Variants in LRBA observed in about 807,000 individuals in gnomAD.
LRBA encodes the protein LPS responsive beige-like anchor protein, also known as lipopolysaccharide-responsive and beige-like anchor protein.
Under a neutral mutation model 330.0 loss-of-function variants are expected in LRBA, and 176 were observed. That is an observed-to-expected ratio of 0.53 (90% CI 0.47 to 0.60). The LOEUF (loss-of-function observed/expected upper bound fraction) is 0.60, where lower values mean the gene tolerates loss of function less well. Ranked by LOEUF, LRBA falls within the 20% of genes least tolerant of loss-of-function variation. The pLI, the probability that LRBA is intolerant of heterozygous loss-of-function variation, is 0.00. For synonymous variants in LRBA, 1,230 were observed against 1,193.0 expected, an observed-to-expected ratio of 1.03 and a Z score of -0.64; for missense variants, 3,259 against 3,444.8, an observed-to-expected ratio of 0.95 and a Z score of 1.35.
intron 40 of LRBA, among the ~76,000 whole-genome samples, chr4:150,565,173 C>A (rs1768964516): frequency 6.6e-6 from 1 of 152,026 alleles, no homozygotes; most frequent in African/African-American, 2.4e-5. Context: ...TATTATGCAG[C>A]CACAAAAAAG....
At chr4:150,550,680 G>A (rs1327198389) in intron 40 of LRBA, among the ~76,000 whole-genome samples, 2 of 152,094 alleles carry the variant, frequency 1.3e-5, no homozygotes, top group African/African-American at 4.8e-5. Flanking sequence ...GTTTTAAATG[G>A]TTGTCCCCAA....
At chr4:150,960,036 T>C (rs906579816) in intron 2 of LRBA, among the ~76,000 whole-genome samples, 1 of 148,338 alleles carries the variant, frequency 6.7e-6, no homozygotes, top group Non-Finnish European at 1.5e-5. Context: ...TACCGGTGTG[T>C]ACCACCATGC....
chr4:150,827,594 C>CT (rs1006527210), intron 30 of LRBA, among the ~76,000 whole-genome samples: 38 of 149,684 alleles, frequency 2.5e-4, no homozygotes, highest in Admixed American at 6.7e-4. Flanking sequence ...CTTATGATTT[C>CT]TTTTTTTTTC....
chr4:150,295,116 T>C (rs1418414575), intron 53 of LRBA, among the ~76,000 whole-genome samples: 5 of 151,816 alleles, frequency 3.3e-5, no homozygotes, highest in African/African-American at 1.2e-4. Context: ...CAACTACTAA[T>C]ATTTGGCAGC....
At chr4:150,723,335 G>A (rs1411250401) in intron 36 of LRBA, among the ~76,000 whole-genome samples, 2 of 152,176 alleles carry the variant, frequency 1.3e-5, no homozygotes, top group African/African-American at 4.8e-5. Flanking sequence ...AGAGTAAAGA[G>A]GACTTTGACT....
chr4:150,507,404 A>G (rs1761240687), intron 40 of LRBA, among the ~76,000 whole-genome samples: 1 of 152,058 alleles, frequency 6.6e-6, no homozygotes, highest in African/African-American at 2.4e-5. Flanking sequence ...AACAGAACAG[A>G]GCCCTCAGAA....
intron 40 of LRBA, among the ~76,000 whole-genome samples, chr4:150,509,621 T>C (rs945681221): frequency 1.3e-5 from 2 of 151,666 alleles, no homozygotes; most frequent in Non-Finnish European, 2.9e-5. Flanking sequence ...TTTTGTGTTT[T>C]GTTTTGTTTT....
chr4:150,696,009 C>T (rs555447930), intron 36 of LRBA, among the ~76,000 whole-genome samples: 1 of 152,212 alleles, frequency 6.6e-6, no homozygotes, highest in African/African-American at 2.4e-5. Context: ...CAGCAAATCC[C>T]TTGAGGCCAG....
chr4:150,664,536 T>C (rs1781401823), intron 37 of LRBA, among the ~76,000 whole-genome samples: 1 of 152,168 alleles, frequency 6.6e-6, no homozygotes, highest in Admixed American at 6.5e-5. Context: ...ACAGGATGTG[T>C]TCCCTCAAAG....
At chr4:150,643,170 G>T (rs1778838878) in intron 37 of LRBA, among the ~76,000 whole-genome samples, 1 of 151,806 alleles carries the variant, frequency 6.6e-6, no homozygotes, top group African/African-American at 2.4e-5. Context: ...GAAAAAAATT[G>T]ATCTGTCATG....
intron 17 of LRBA, among the ~76,000 whole-genome samples, chr4:150,873,506 C>T (rs1012329816): frequency 6.6e-6 from 1 of 151,906 alleles, no homozygotes; most frequent in East Asian, 1.9e-4. Context: ...AGGAGAATCG[C>T]TTGAACCTGG....
intron 44 of LRBA, among the ~76,000 whole-genome samples, chr4:150,449,666 A>C (rs1346222248): frequency 6.6e-6 from 1 of 152,140 alleles, no homozygotes; most frequent in East Asian, 1.9e-4. Context: ...TTTGAAGTTT[A>C]TACTGTATTT....
chr4:150,778,410 C>A (rs1380481551), intron 34 of LRBA, among the ~76,000 whole-genome samples: 1 of 151,984 alleles, frequency 6.6e-6, no homozygotes, highest in African/African-American at 2.4e-5. Flanking sequence ...CCATGCAAAT[C>A]AATTATGTAA....
chr4:150,488,889 AT>A (rs1758218103), intron 41 of LRBA, among the ~76,000 whole-genome samples: 1 of 144,452 alleles, frequency 6.9e-6, no homozygotes, highest in South Asian at 2.1e-4. Context: ...GTCATAATAT[AT>A]ACACACACAT....
At position 150,973,395 on chromosome 4, in the gene LRBA, G is replaced by A. The variant is rs574589176; in HGVS notation, c.216+41032C>T. Among the ~76,000 whole-genome samples the A allele has an allele frequency of 5.9e-5, 9 of 152,170 alleles. No homozygotes were observed. The East Asian group carries it at 1.4e-3, about 23-fold the overall frequency. On this transcript the variant is annotated intron_variant, in intron 2 of 56. Coordinates refer to ENST00000651943, the MANE Select transcript of LRBA (RefSeq NM_001364905.1). ...TTGGTCAGGCTGGTCTCAAACTCCC[G>A]ACCTCAGGTGATCTGCCCGCCTCAG... is the stretch of plus-strand genomic sequence containing the variant.
At chr4:150,414,024 T>A (rs6535735) in intron 47 of LRBA, among the ~76,000 whole-genome samples, 22,714 of 152,200 alleles carry the variant, frequency 0.15, 1,718 homozygotes, top group Middle Eastern at 0.17. Context: ...AAATGCAACA[T>A]GTTCCATAAG....
intron 40 of LRBA, among the ~76,000 whole-genome samples, chr4:150,518,547 T>C (rs949245765): frequency 6.6e-6 from 1 of 152,176 alleles, no homozygotes; most frequent in Admixed American, 6.5e-5. Flanking sequence ...TACCTTTTTT[T>C]CCCTACTTTA....
chr4:150,268,997 CCAAAA>C (rs913964248), intron 56 of LRBA, among the ~76,000 whole-genome samples: 2 of 34,662 alleles, frequency 5.8e-5, no homozygotes, highest in South Asian at 1.8e-3. Context: ...AAATTCCACA[CCAAAA>C]CAAAACAAAA....
chr4:150,676,625 G>C (rs1262919893), intron 37 of LRBA, among the ~76,000 whole-genome samples: 2 of 152,076 alleles, frequency 1.3e-5, no homozygotes, highest in Non-Finnish European at 2.9e-5. Flanking sequence ...GTTCTCAAGT[G>C]ATTCTCATAT....
Sources: gnomAD v4.1 joint callset for allele counts (sites outside exome capture counted in the v4.1 genomes callset) on GRCh38, gnomAD v4.1.1 for gene constraint, MANE v1.5 for transcripts, NCBI Gene and HGNC (gene_info 2026-07-23, HGNC 2026-07-21) for gene names.